The following CSMD1 variants were observed in gnomAD, a reference collection of about 807,000 sequenced individuals.
CSMD1 encodes the protein CUB and sushi domain-containing protein 1.
Under a neutral mutation model 417.5 loss-of-function variants are expected in CSMD1, and 213 were observed. The observed-to-expected ratio is 0.51, with a 90% CI of 0.46 to 0.57. CSMD1 has a LOEUF of 0.57. Ranked by LOEUF, CSMD1 falls within the 20% of genes least tolerant of loss-of-function variation. CSMD1 has a pLI of 0.00. For synonymous variants in CSMD1, 2,862 were observed against 1,736.8 expected, an observed-to-expected ratio of 1.65 and a Z score of -16.11; for missense variants, 6,923 against 4,529.7, an observed-to-expected ratio of 1.53 and a Z score of -15.17.
intron 6 of CSMD1, among the ~76,000 whole-genome samples, chr8:3,712,072 T>C (rs1299731368): frequency 6.6e-6 from 1 of 152,206 alleles, no homozygotes; most frequent in Non-Finnish European, 1.5e-5. Flanking sequence ...CACTAGGGAA[T>C]ATATGTATTT....
At position 4,027,426 on chromosome 8, in the gene CSMD1, G is replaced by C. The variant is rs183391149; in HGVS notation, c.610+4479C>G. ...GGAGGCACATTGTGGGAGGTGATTA[G>C]ATCATGGGGGTGGGTCCTCCATGCT... On this transcript the variant is annotated intron_variant, in intron 4 of 69. Transcript: ENST00000635120. 2.8e-4 allele frequency among the ~76,000 whole-genome samples: 43 copies of C among 152,204 alleles called. No individual in the cohort carries two copies. The East Asian group carries it at 8.0e-3, about 28-fold the overall frequency.
intron 3 of CSMD1, among the ~76,000 whole-genome samples, chr8:4,343,551 G>A (rs532980604): frequency 9.7e-4 from 148 of 152,156 alleles, no homozygotes; most frequent in African/African-American, 3.4e-3. Flanking sequence ...AATGTTACTT[G>A]TCAATTATAT....
chr8:4,190,411 T>A (rs1327407690), intron 3 of CSMD1, among the ~76,000 whole-genome samples: 1 of 152,144 alleles, frequency 6.6e-6, no homozygotes, highest in Non-Finnish European at 1.5e-5. Flanking sequence ...TTATGACATT[T>A]AATGATTAAC....
chr8:3,101,786 T>C (rs928186527), intron 46 of CSMD1, among the ~76,000 whole-genome samples: 23 of 142,544 alleles, frequency 1.6e-4, no homozygotes, highest in African/African-American at 5.9e-4. Flanking sequence ...GATAATTTTG[T>C]TTCTTTCTTT....
chr8:4,637,806 G>C (rs534230646), intron 1 of CSMD1, among the ~76,000 whole-genome samples: 6 of 151,710 alleles, frequency 4.0e-5, no homozygotes, highest in South Asian at 2.1e-4. Context: ...GAGTAGGTGG[G>C]ACTACAGGCG....
At chr8:4,159,927 C>T (rs539503546) in intron 3 of CSMD1, among the ~76,000 whole-genome samples, 4 of 151,572 alleles carry the variant, frequency 2.6e-5, no homozygotes, top group Middle Eastern at 3.4e-3. Context: ...AAAAAACTTT[C>T]GGGCCTTGAG....
chr8:4,122,396 A>C (rs748123337), intron 3 of CSMD1, among the ~76,000 whole-genome samples: 1 of 152,226 alleles, frequency 6.6e-6, no homozygotes, highest in Non-Finnish European at 1.5e-5. Context: ...CTGTACACCA[A>C]CATGATCCCA....
intron 1 of CSMD1, among the ~76,000 whole-genome samples, chr8:4,644,784 C>G (rs1472147209): frequency 6.6e-6 from 1 of 152,224 alleles, no homozygotes. Flanking sequence ...CATTGATGAT[C>G]TCTTTCTACA....
intron 5 of CSMD1, among the ~76,000 whole-genome samples, chr8:3,895,096 T>C (rs945042371): frequency 1.3e-5 from 2 of 152,202 alleles, no homozygotes; most frequent in African/African-American, 4.8e-5. Flanking sequence ...ATTCAAGGAC[T>C]TCTTAACATA....
intron 1 of CSMD1, among the ~76,000 whole-genome samples, chr8:4,918,575 G>C (rs1481402683): frequency 1.3e-5 from 2 of 152,188 alleles, no homozygotes; most frequent in African/African-American, 4.8e-5. Flanking sequence ...AGCACTGCGA[G>C]TTGTGCTTTA....
intron 3 of CSMD1, among the ~76,000 whole-genome samples, chr8:4,115,272 G>A (rs1490751580): frequency 9.2e-5 from 14 of 152,214 alleles, no homozygotes; most frequent in Non-Finnish European, 1.3e-4. Context: ...CTCACTGAAC[G>A]CTTAGATAAT....
chr8:3,409,758 T>C (rs376016988), intron 12 of CSMD1, among the ~76,000 whole-genome samples, 153 bp from the exon 13 acceptor site: 3 of 152,222 alleles, frequency 2.0e-5, no homozygotes, highest in South Asian at 4.1e-4. Flanking sequence ...TGATCTTAAA[T>C]TTAATTTCAA....
intron 8 of CSMD1, among the ~76,000 whole-genome samples, chr8:3,592,737 C>T (rs1343122952): frequency 1.3e-5 from 2 of 151,912 alleles, no homozygotes; most frequent in Non-Finnish European, 2.9e-5. Flanking sequence ...ATTTTTCTTC[C>T]CCCTGTATTT....
intron 26 of CSMD1, among the ~76,000 whole-genome samples, chr8:3,231,263 A>G (rs953857649): frequency 7.2e-5 from 11 of 152,226 alleles, no homozygotes; most frequent in African/African-American, 2.7e-4. Flanking sequence ...TTCAGTTAGA[A>G]TAACGAGCTC....
Position 3,518,391 on chromosome 8 carries a change from G to T in CSMD1, c.1345-24665C>A, listed in dbSNP as rs967736670. ...CAACCATTTAATTGTAAATATTCCA[G>T]ATGCCATTGTATTTAGAAATAGACG... On this transcript the variant is annotated intron_variant, in intron 10 of 69. Coordinates refer to ENST00000635120, the MANE Select transcript of CSMD1 (RefSeq NM_033225.6). Among the ~76,000 whole-genome samples, 3 of 152,252 alleles carry T rather than the reference G, an allele frequency of 2.0e-5. No homozygotes were observed. In the East Asian group the frequency reaches 5.8e-4, roughly 29 times the overall value.
intron 17 of CSMD1, among the ~76,000 whole-genome samples, chr8:3,393,581 A>G (rs1382133844): frequency 3.3e-5 from 5 of 152,148 alleles, no homozygotes; most frequent in Non-Finnish European, 5.9e-5. Context: ...AAAGACTTGG[A>G]AACAACCCAA....
At chr8:4,288,784 C>A (rs971618091) in intron 3 of CSMD1, among the ~76,000 whole-genome samples, 2 of 152,186 alleles carry the variant, frequency 1.3e-5, no homozygotes, top group Non-Finnish European at 2.9e-5. Flanking sequence ...CCTGTCAGGT[C>A]TACGTAGCAG....
At chr8:3,546,446 G>C (rs376411419) in intron 10 of CSMD1, among the ~76,000 whole-genome samples, 1 of 151,862 alleles carries the variant, frequency 6.6e-6, no homozygotes, top group African/African-American at 2.4e-5. Context: ...TGAGGCAGGA[G>C]AATCTCTTGA....
chr8:4,467,535 AGC>A (rs1334084511), intron 2 of CSMD1, among the ~76,000 whole-genome samples: 1 of 152,194 alleles, frequency 6.6e-6, no homozygotes, highest in East Asian at 1.9e-4. Context: ...TTCTTTACTT[AGC>A]ACATTAAACC....
Sources: gnomAD v4.1 joint callset for allele counts (sites outside exome capture counted in the v4.1 genomes callset) on GRCh38, gnomAD v4.1.1 for gene constraint, MANE v1.5 for transcripts, NCBI Gene and HGNC (gene_info 2026-07-23, HGNC 2026-07-21) for gene names.